The following KCNK12 variants were observed in gnomAD, a reference collection of about 807,000 sequenced individuals.
The protein encoded by KCNK12 is potassium two pore domain channel subfamily K member 12.
KCNK12 carries 6 observed loss-of-function variants against 25.3 expected under a neutral mutation model. The ratio of observed to expected loss-of-function variants is 0.24; its 90% CI spans 0.13 to 0.47. KCNK12 has a LOEUF of 0.47. Ranked by LOEUF, KCNK12 falls within the 20% of genes least tolerant of loss-of-function variation. The pLI is 0.99. For missense variants in KCNK12, 444 were observed against 661.7 expected, an observed-to-expected ratio of 0.67 and a Z score of 3.61; for synonymous variants, 331 against 311.1, an observed-to-expected ratio of 1.06 and a Z score of -0.67.
Position 47,512,908 on chromosome 2 carries a change from T to C in KCNK12, c.*7999A>G, listed in dbSNP as rs1041232948. Reference sequence around the variant, plus strand: ...CAGAGGTCCCACTGCAGCTGCATAATGTCCCCTCAGTGGCCTGAACATGAG... The same window carrying C: ...CAGAGGTCCCACTGCAGCTGCATAACGTCCCCTCAGTGGCCTGAACATGAG... On this transcript the variant is annotated 3_prime_UTR_variant, in exon 2 of 2. Coordinates refer to ENST00000327876, the MANE Select transcript of KCNK12 (RefSeq NM_022055.2). 4 of 155,542 alleles carry C rather than the reference T, an allele frequency of 2.6e-5. No individual in the cohort carries two copies. The highest frequency in any genetic ancestry group is 9.6e-5 in the African/African-American group (4 of 41,484). 9.6% of individuals were successfully genotyped at this position (155,542 alleles called of 1,614,324 possible). A position where few individuals can be genotyped will look rare whatever the true frequency, so the allele number is the denominator to read the frequency against.
chr2:47,568,368 T>C (rs1669823909), intron 1 of KCNK12, among the ~76,000 whole-genome samples: 1 of 152,150 alleles, frequency 6.6e-6, no homozygotes, highest in Non-Finnish European at 1.5e-5. Flanking sequence ...GGGATTTTTT[T>C]TGAGGGGGTC....
chr2:47,534,648 G>C (rs1487188746), intron 1 of KCNK12, among the ~76,000 whole-genome samples: 1 of 151,634 alleles, frequency 6.6e-6, no homozygotes, highest in Non-Finnish European at 1.5e-5. Context: ...CCGGAGTGAG[G>C]AGCAATGAGA....
chr2:47,556,582 A>G lies in KCNK12; in HGVS notation c.391+13359T>C, dbSNP rs1032728028. Among the ~76,000 whole-genome samples the G allele has an allele frequency of 2.0e-5, 3 of 152,126 alleles. No individual in the cohort carries two copies. The highest frequency in any genetic ancestry group is 4.4e-5 in the Non-Finnish European group (3 of 68,028). The stretch of plus-strand genomic sequence containing the variant: ...AGTCAGCATCTCTGCATAGTTTGTT[A>G]GCCATATTCAGCTGCTTGAGGGCAG... On this transcript the variant is annotated intron_variant, in intron 1 of 1. Transcript: ENST00000327876. The surrounding 1 kb of genome is among the most constrained non-coding windows in gnomAD (Gnocchi z 4.8).
At position 47,569,904 on chromosome 2, in the gene KCNK12, A is replaced by C. The variant is rs1269133985; in HGVS notation, c.391+37T>G. 2.3e-6 allele frequency: 3 copies of C among 1,323,144 alleles called. No individual in the cohort carries two copies. The African/African-American group carries it at 4.6e-5, about 20-fold the overall frequency. 82.0% of individuals were successfully genotyped at this position (1,323,144 alleles called of 1,614,324 possible). A position where few individuals can be genotyped will look rare whatever the true frequency, so the allele number is the denominator to read the frequency against. ...GTGGAAAGGGCGGCAGGTGAAAGGC[A>C]CAGAGAGGAAAGATGCGCGGGGGAC... is the stretch of plus-strand genomic sequence containing the variant. On this transcript the variant is annotated intron_variant, in intron 1 of 1. Transcript: ENST00000327876. The surrounding 1 kb of genome is among the most constrained non-coding windows in gnomAD (Gnocchi z 4.1).
chr2:47,528,603 A>G lies in KCNK12; in HGVS notation c.392-6795T>C, dbSNP rs758348831. On this transcript the variant is annotated intron_variant, in intron 1 of 1. Transcript: ENST00000327876. The surrounding 1 kb of genome is among the most constrained non-coding windows in gnomAD (Gnocchi z 4.5). ...CCTGAGAATCTCCTCCTCCCCCTCAATCACACCCTGCAGAGGCGTGATCTG... is the reference window on the plus strand; with the variant it reads ...CCTGAGAATCTCCTCCTCCCCCTCAGTCACACCCTGCAGAGGCGTGATCTG... Among the ~76,000 whole-genome samples the G allele has an allele frequency of 6.6e-6, 1 of 151,904 alleles. No homozygotes were observed. Among genetic ancestry groups the G allele is most frequent in the Non-Finnish European group, 1.5e-5 (1 of 67,964 alleles).
chr2:47,521,036 C>G lies in KCNK12; in HGVS notation c.1164G>C (p.Gln388His). The G allele has an allele frequency of 7.1e-7, 1 of 1,399,732 alleles. No homozygotes were observed. Among genetic ancestry groups the G allele is most frequent in the Non-Finnish European group, 9.3e-7 (1 of 1,072,952 alleles). 86.7% of individuals were successfully genotyped at this position (1,399,732 alleles called of 1,614,324 possible). The change falls in exon 2 of 2, where the codon CAG becomes CAC. Residue 388 changes from glutamine (Q) to histidine (H), a missense_variant. Physicochemically the swap from Gln to His is conservative, Grantham distance 24 (BLOSUM62 0). Coordinates refer to ENST00000327876, the MANE Select transcript of KCNK12 (RefSeq NM_022055.2). ...NKVSLALLQK[Q>H]LSETANGYPR... Reference sequence around the variant, plus strand: ...GGTAGCCGTTGGCCGTCTCCGACAGCTGCTTCTGCAGCAGCGCCAGCGACA... The same window carrying G: ...GGTAGCCGTTGGCCGTCTCCGACAGGTGCTTCTGCAGCAGCGCCAGCGACA...
chr2:47,565,485 T>C lies in KCNK12; in HGVS notation c.391+4456A>G, dbSNP rs920399776. ...TATGCAGTGCCAAAAGTGACAACTCTTATACCTACACCATCCCGTCTACAG... is the reference window on the plus strand; with the variant it reads ...TATGCAGTGCCAAAAGTGACAACTCCTATACCTACACCATCCCGTCTACAG... On this transcript the variant is annotated intron_variant, in intron 1 of 1. Transcript: ENST00000327876. This position sits in a 1 kb window ranked among gnomAD's most constrained non-coding sequence, Gnocchi z 5.0. 2.0e-5 allele frequency: 3 copies of C among 152,244 alleles called. No homozygotes were observed. Among genetic ancestry groups the C allele is most frequent in the Non-Finnish European group, 4.4e-5 (3 of 68,044 alleles). The allele number at this position is 152,244 out of a possible 1,614,324, so 9.4% of individuals were successfully genotyped here. A position where few individuals can be genotyped will look rare whatever the true frequency, so the allele number is the denominator to read the frequency against.
At position 47,519,415 on chromosome 2, in the gene KCNK12, G is replaced by C. The variant is rs1668597240; in HGVS notation, c.*1492C>G. ...GCTTTTCTAAGACTTCCTATCAGAAGCTGTGCATACTGGTGGGTCACGCCG... is the reference window on the plus strand; with the variant it reads ...GCTTTTCTAAGACTTCCTATCAGAACCTGTGCATACTGGTGGGTCACGCCG... On this transcript the variant is annotated 3_prime_UTR_variant, in exon 2 of 2. Coordinates refer to ENST00000327876, the MANE Select transcript of KCNK12 (RefSeq NM_022055.2). 6.6e-6 allele frequency: 1 copy of C among 152,186 alleles called. No homozygotes were observed. Among genetic ancestry groups the C allele is most frequent in the Non-Finnish European group, 1.5e-5 (1 of 68,046 alleles). 9.4% of individuals were successfully genotyped at this position (152,186 alleles called of 1,614,324 possible).
chr2:47,544,805 T>C (rs951903625), intron 1 of KCNK12, among the ~76,000 whole-genome samples: 12 of 152,316 alleles, frequency 7.9e-5, no homozygotes, highest in African/African-American at 2.6e-4. Context: ...ACATCCTTTC[T>C]GAGGAATACT....
chr2:47,544,488 G>A (rs753554678), intron 1 of KCNK12, among the ~76,000 whole-genome samples: 4 of 152,246 alleles, frequency 2.6e-5, no homozygotes, highest in Non-Finnish European at 1.5e-5. Flanking sequence ...TGTTCGCAGC[G>A]TTCCTACTGA....
At position 47,566,214 on chromosome 2, in the gene KCNK12, A is replaced by G. The variant is rs1002053181; in HGVS notation, c.391+3727T>C. On this transcript the variant is annotated intron_variant, in intron 1 of 1. Transcript: ENST00000327876. The surrounding 1 kb of genome is among the most constrained non-coding windows in gnomAD (Gnocchi z 4.1). ...ACACACGTGTATCTACACGATTGCA[A>G]ACTGCCCAGCTGTGGATACGGGGCC... 6.6e-6 allele frequency: 1 copy of G among 152,202 alleles called. No homozygotes were observed. Among genetic ancestry groups the G allele is most frequent in the African/African-American group, 2.4e-5 (1 of 41,446 alleles). 9.4% of individuals were successfully genotyped at this position (152,202 alleles called of 1,614,324 possible).
chr2:47,529,823 C>A lies in KCNK12; in HGVS notation c.392-8015G>T, dbSNP rs2104763669. Among the ~76,000 whole-genome samples the A allele has an allele frequency of 6.6e-6, 1 of 152,286 alleles. No individual in the cohort carries two copies. Among genetic ancestry groups the A allele is most frequent in the African/African-American group, 2.4e-5 (1 of 41,536 alleles). Reference sequence around the variant, plus strand: ...GTTGCCAGGTAAAATACAGAACACCCAGTTAAATATGACTTGGGTAAACAA... The same window carrying A: ...GTTGCCAGGTAAAATACAGAACACCAAGTTAAATATGACTTGGGTAAACAA... On this transcript the variant is annotated intron_variant, in intron 1 of 1. Coordinates refer to ENST00000327876, the MANE Select transcript of KCNK12 (RefSeq NM_022055.2). This position sits in a 1 kb window ranked among gnomAD's most constrained non-coding sequence, Gnocchi z 4.3.
At position 47,528,794 on chromosome 2, in the gene KCNK12, G is replaced by T. The variant is rs1040898334; in HGVS notation, c.392-6986C>A. 9.9e-5 allele frequency among the ~76,000 whole-genome samples: 15 copies of T among 152,210 alleles called. No individual in the cohort carries two copies. The highest frequency in any genetic ancestry group is 1.5e-4 in the Non-Finnish European group (10 of 68,036). ...TGCCGCCTTCGCAAATGGGGCCCTGGTGATGGGGCCTTCGGAGTTCAGCTC... is the reference window on the plus strand; with the variant it reads ...TGCCGCCTTCGCAAATGGGGCCCTGTTGATGGGGCCTTCGGAGTTCAGCTC... On this transcript the variant is annotated intron_variant, in intron 1 of 1. Transcript: ENST00000327876. This position sits in a 1 kb window ranked among gnomAD's most constrained non-coding sequence, Gnocchi z 4.5.
In KCNK12 at chr2:47,513,308, C is replaced by G. The variant is rs1362381711; in HGVS notation, c.*7599G>C. 6.6e-6 allele frequency: 1 copy of G among 152,240 alleles called. No individual in the cohort carries two copies. Among genetic ancestry groups the G allele is most frequent in the Non-Finnish European group, 1.5e-5 (1 of 68,048 alleles). The allele number at this position is 152,240 out of a possible 1,614,324, so 9.4% of individuals were successfully genotyped here. A position where few individuals can be genotyped will look rare whatever the true frequency, so the allele number is the denominator to read the frequency against. ...TCACTGATATTTCCCTTTGCTAAAT[C>G]TTGTGGGTGTTTTCTTCAGTCCTTG... On this transcript the variant is annotated 3_prime_UTR_variant, in exon 2 of 2. Transcript: ENST00000327876.
chr2:47,535,342 GTCTC>G (rs376145831), intron 1 of KCNK12: 47 of 233,268 alleles, frequency 2.0e-4, no homozygotes, highest in Middle Eastern at 2.5e-3. Flanking sequence ...CAGCACATGG[GTCTC>G]TCTCTCTTTT....
At chr2:47,542,391 G>A (rs1205420162) in intron 1 of KCNK12, among the ~76,000 whole-genome samples, 1 of 152,240 alleles carries the variant, frequency 6.6e-6, no homozygotes, top group African/African-American at 2.4e-5. Flanking sequence ...GCAACACTAG[G>A]CGCTTAGTAG....
rs1401174018 is a variant in KCNK12, at chr2:47,538,587, A to T, written c.392-16779T>A. Among the ~76,000 whole-genome samples, 1 of 152,190 alleles carries T rather than the reference A, an allele frequency of 6.6e-6. No homozygotes were observed. The highest frequency in any genetic ancestry group is 1.5e-5 in the Non-Finnish European group (1 of 68,040). ...GGAGTTTGAGACCAGCCTGGCCAACATGGTGAAACCCCGTCTCTACTAAAA... is the reference window on the plus strand; with the variant it reads ...GGAGTTTGAGACCAGCCTGGCCAACTTGGTGAAACCCCGTCTCTACTAAAA... On this transcript the variant is annotated intron_variant, in intron 1 of 1. Coordinates refer to ENST00000327876, the MANE Select transcript of KCNK12 (RefSeq NM_022055.2). This position sits in a 1 kb window ranked among gnomAD's most constrained non-coding sequence, Gnocchi z 4.5.
chr2:47,509,752 G>A lies in KCNK12; in HGVS notation c.*11155C>T, dbSNP rs746231137. On this transcript the variant is annotated 3_prime_UTR_variant, in exon 2 of 2. Coordinates refer to ENST00000327876, the MANE Select transcript of KCNK12 (RefSeq NM_022055.2). The stretch of plus-strand genomic sequence containing the variant: ...CATTAACTTGACCCTGACTCATGCC[G>A]CCAGGCCTAATTTATAAACCAAGAC... Among the ~76,000 whole-genome samples, 10 of 152,114 alleles carry A rather than the reference G, an allele frequency of 6.6e-5. No homozygotes were observed. Among genetic ancestry groups the A allele is most frequent in the East Asian group, 1.9e-4 (1 of 5,192 alleles).
chr2:47,524,678 G>C (rs1668730541), intron 1 of KCNK12, among the ~76,000 whole-genome samples: 1 of 152,178 alleles, frequency 6.6e-6, no homozygotes, highest in Non-Finnish European at 1.5e-5. Context: ...TTGTTGACCT[G>C]GGTGGTAGTT....
Sources: allele counts gnomAD v4.1 joint callset (sites outside exome capture counted in the v4.1 genomes callset), GRCh38; gene constraint gnomAD v4.1.1; non-coding constraint Gnocchi (gnomAD v3.1); transcripts MANE v1.5; gene names NCBI Gene and HGNC (gene_info 2026-07-23, HGNC 2026-07-21).